Variants in CHN1 observed in about 807,000 individuals in gnomAD.
The protein encoded by CHN1 is chimerin 1, also known as N-chimaerin.
Under a neutral mutation model 59.5 loss-of-function variants are expected in CHN1, and 37 were observed. The ratio of observed to expected loss-of-function variants is 0.62; its 90% CI spans 0.48 to 0.82. The LOEUF (loss-of-function observed/expected upper bound fraction) is 0.82. CHN1 is among the 40% of genes least tolerant of loss of function. The pLI, the probability that CHN1 is intolerant of heterozygous loss-of-function variation, is 0.00. For missense variants in CHN1, 469 were observed against 571.0 expected (o/e 0.82, Z 1.82); for synonymous variants, 206 against 200.4 (o/e 1.03, Z -0.24).
At chr2:174,846,127 C>A (rs1653018204) in intron 7 of CHN1, among the ~76,000 whole-genome samples, 2 of 152,126 alleles carry the variant, frequency 1.3e-5, no homozygotes, top group African/African-American at 2.4e-5. Context: ...TACTTATGCA[C>A]CACCTCACGT....
chr2:174,998,398 T>C (rs1215442201), intron 1 of CHN1, among the ~76,000 whole-genome samples: 4 of 151,728 alleles, frequency 2.6e-5, no homozygotes, highest in African/African-American at 9.7e-5. Context: ...AGGAAGAATT[T>C]GCAGTTTAAA....
At chr2:174,970,868 ATATCTG>A (rs1373018527) in intron 1 of CHN1, among the ~76,000 whole-genome samples, 1 of 152,198 alleles carries the variant, frequency 6.6e-6, no homozygotes, top group Non-Finnish European at 1.5e-5. Context: ...TTCCAACTAT[ATATCTG>A]TATAAGGCCA....
chr2:174,991,011 T>A (rs1691530237), intron 1 of CHN1, among the ~76,000 whole-genome samples: 1 of 152,180 alleles, frequency 6.6e-6, no homozygotes, highest in African/African-American at 2.4e-5. Context: ...ATAAGTGAAA[T>A]GTCATATAAA....
chr2:174,984,254 T>C (rs1691262687), intron 1 of CHN1, among the ~76,000 whole-genome samples: 2 of 151,960 alleles, frequency 1.3e-5, no homozygotes, highest in South Asian at 2.1e-4. Flanking sequence ...TGCTCCTACA[T>C]ATAATACTCT....
At chr2:174,812,102 G>C (rs942771033) in intron 9 of CHN1, 11 of 408,902 alleles carry the variant, frequency 2.7e-5, no homozygotes, top group Non-Finnish European at 3.9e-5. Context: ...AAGCACATTG[G>C]CTACACTTAG....
At chr2:174,871,464 T>G (rs974639905) in intron 6 of CHN1, among the ~76,000 whole-genome samples, 2 of 152,222 alleles carry the variant, frequency 1.3e-5, no homozygotes, top group African/African-American at 4.8e-5. Flanking sequence ...AAGTCATTTA[T>G]GTAGTCAGTC....
chr2:174,812,220 C>T lies in CHN1; in HGVS notation c.886+89G>A, dbSNP rs182143846. ...TCCCCTCCAAATTACAGAAGACAAC[C>T]GTATTGTGCAATGAGGTACCCAAAA... On this transcript the variant is annotated intron_variant, in intron 9 of 12. Coordinates refer to ENST00000409900, the MANE Select transcript of CHN1 (RefSeq NM_001822.7). 3.1e-4 allele frequency: 322 copies of T among 1,048,954 alleles called. 2 individuals carry two copies. In the African/African-American group the frequency reaches 4.6e-3, roughly 15 times the overall value. 65.0% of individuals were successfully genotyped at this position (1,048,954 alleles called of 1,614,324 possible). A position where few individuals can be genotyped will look rare whatever the true frequency, so the allele number is the denominator to read the frequency against.
chr2:174,814,638 A>T (rs760003723), intron 8 of CHN1, among the ~76,000 whole-genome samples: 3 of 152,232 alleles, frequency 2.0e-5, no homozygotes, highest in Non-Finnish European at 4.4e-5. Flanking sequence ...TAAAATGCAT[A>T]CATGTAGTAA....
At chr2:174,841,909 A>G (rs575089490) in intron 7 of CHN1, among the ~76,000 whole-genome samples, 1 of 152,278 alleles carries the variant, frequency 6.6e-6, no homozygotes, top group Admixed American at 6.5e-5. Flanking sequence ...CACTATTCAA[A>G]TTCCTGAGCA....
chr2:174,980,733 A>C (rs1691119467), intron 1 of CHN1, among the ~76,000 whole-genome samples: 1 of 152,188 alleles, frequency 6.6e-6, no homozygotes. Context: ...CATTTTTTTA[A>C]ATGTGTAGAT....
chr2:174,945,248 A>G (rs1380283287), intron 2 of CHN1: 5 of 446,426 alleles, frequency 1.1e-5, no homozygotes, highest in African/African-American at 8.0e-5. Flanking sequence ...CTTTGTGGGG[A>G]TATTAAAGGA....
intron 7 of CHN1, among the ~76,000 whole-genome samples, chr2:174,836,045 A>G (rs1053598338): frequency 2.0e-5 from 3 of 152,142 alleles, no homozygotes; most frequent in South Asian, 2.1e-4. Context: ...CTGTCTCCTC[A>G]GGCAGTCTCT....
intron 7 of CHN1, 115 bp downstream of exon 7, chr2:174,846,765 G>T: frequency 9.3e-7 from 1 of 1,071,694 alleles, no homozygotes; most frequent in Non-Finnish European, 1.3e-6. Flanking sequence ...TCCTTAAATA[G>T]CAAGAACATT....
intron 1 of CHN1, among the ~76,000 whole-genome samples, chr2:174,964,672 T>G (rs1690538421): frequency 6.6e-6 from 1 of 152,228 alleles, no homozygotes; most frequent in African/African-American, 2.4e-5. Context: ...TGTGGAGGTC[T>G]TCATTTACCT....
Position 174,862,321 on chromosome 2 carries a change from G to A in CHN1, c.550-15364C>T, listed in dbSNP as rs182668594. 4.7e-5 allele frequency among the ~76,000 whole-genome samples: 7 copies of A among 150,314 alleles called. No individual in the cohort carries two copies. The East Asian group carries it at 9.8e-4, about 21-fold the overall frequency. Reference sequence around the variant, plus strand: ...CTAGGTATAGAATTTAATACATTACGTTATACCAACGATACTTTTTTTTTT... The same window carrying A: ...CTAGGTATAGAATTTAATACATTACATTATACCAACGATACTTTTTTTTTT... On this transcript the variant is annotated intron_variant, in intron 6 of 12. Coordinates refer to ENST00000409900, the MANE Select transcript of CHN1 (RefSeq NM_001822.7).
At chr2:174,927,369 T>C (rs1397390451) in intron 3 of CHN1, among the ~76,000 whole-genome samples, 1 of 152,300 alleles carries the variant, frequency 6.6e-6, no homozygotes, top group Non-Finnish European at 1.5e-5. Context: ...ATTTTCCTCA[T>C]ACATAAACAT....
chr2:174,804,389 G>C (rs150536244), intron 11 of CHN1, among the ~76,000 whole-genome samples: 6 of 152,284 alleles, frequency 3.9e-5, no homozygotes, highest in African/African-American at 1.4e-4. Flanking sequence ...CTATTTTAAG[G>C]ATTTAGTGTT....
At chr2:174,901,293 C>G (rs1270136944) in intron 5 of CHN1, among the ~76,000 whole-genome samples, 2 of 152,196 alleles carry the variant, frequency 1.3e-5, no homozygotes, top group African/African-American at 4.8e-5. Context: ...GCACTGCAGC[C>G]CTTGCATGGA....
intron 1 of CHN1, among the ~76,000 whole-genome samples, chr2:174,953,278 AAT>A (rs1690084227): frequency 6.6e-6 from 1 of 152,210 alleles, no homozygotes; most frequent in Non-Finnish European, 1.5e-5. Context: ...TTTAAACTGC[AAT>A]ATCACACTTC....
Sources: allele counts gnomAD v4.1 joint callset (sites outside exome capture counted in the v4.1 genomes callset), GRCh38; gene constraint gnomAD v4.1.1; transcripts MANE v1.5; gene names NCBI Gene and HGNC (gene_info 2026-07-23, HGNC 2026-07-21).